Variants in EPRS1 observed in about 807,000 individuals in gnomAD.
EPRS1 encodes bifunctional glutamate/proline--tRNA ligase.
EPRS1 carries 107 observed loss-of-function variants against 188.3 expected under a neutral mutation model. That is an observed-to-expected ratio of 0.57 (90% CI 0.49 to 0.67). EPRS1 has a LOEUF of 0.67. Among genes scored for constraint, EPRS1 ranks in the 30% least tolerant of loss-of-function variants. The pLI, the probability that EPRS1 is intolerant of heterozygous loss-of-function variation, is 0.00. For missense variants in EPRS1, 1,577 were observed against 1,802.2 expected, an observed-to-expected ratio of 0.88 and a Z score of 2.26; for synonymous variants, 596 against 593.1, an observed-to-expected ratio of 1.00 and a Z score of -0.07.
chr1:220,031,007 G>A (rs576242943), intron 5 of EPRS1, among the ~76,000 whole-genome samples: 14 of 151,774 alleles, frequency 9.2e-5, no homozygotes, highest in Non-Finnish European at 1.5e-4. Flanking sequence ...CAGGAGAATC[G>A]CTTGAACCTG....
At chr1:219,977,211 A>C (rs1311090291) in intron 28 of EPRS1, among the ~76,000 whole-genome samples, 1 of 152,180 alleles carries the variant, frequency 6.6e-6, no homozygotes, top group African/African-American at 2.4e-5. Flanking sequence ...TAATACCTTC[A>C]CTAGATAGTG....
intron 18 of EPRS1, among the ~76,000 whole-genome samples, chr1:219,996,642 A>G (rs987837950): frequency 1.3e-5 from 2 of 152,200 alleles, no homozygotes; most frequent in Admixed American, 1.3e-4. Context: ...CTTCTACTTC[A>G]GGATGATTTT....
chr1:219,975,458 T>A (rs1846254), intron 28 of EPRS1, among the ~76,000 whole-genome samples: 1 of 151,558 alleles, frequency 6.6e-6, no homozygotes, highest in Non-Finnish European at 1.5e-5. Flanking sequence ...TTTCTTGAGA[T>A]GGAGTTTCGC....
intron 1 of EPRS1, among the ~76,000 whole-genome samples, chr1:220,045,494 ACC>A: frequency 6.6e-6 from 1 of 151,936 alleles, no homozygotes; most frequent in East Asian, 1.9e-4. Flanking sequence ...ATAGAGCAAG[ACC>A]CTGACTCTCA....
chr1:220,013,790 C>T (rs1458451591), intron 12 of EPRS1, among the ~76,000 whole-genome samples: 1 of 152,132 alleles, frequency 6.6e-6, no homozygotes, highest in Non-Finnish European at 1.5e-5. Flanking sequence ...ATGAAGACAT[C>T]ATGAAGGCCA....
chr1:219,986,571 A>C (rs1661009927), intron 20 of EPRS1, among the ~76,000 whole-genome samples: 2 of 152,186 alleles, frequency 1.3e-5, no homozygotes, highest in African/African-American at 4.8e-5. Flanking sequence ...TTATTTATAC[A>C]GATTGGAAGA....
intron 9 of EPRS1, among the ~76,000 whole-genome samples, chr1:220,020,814 C>A (rs1661858466): frequency 8.4e-6 from 1 of 118,462 alleles, no homozygotes; most frequent in African/African-American, 3.2e-5. Flanking sequence ...CATGCAGTAT[C>A]AATTTGAATT....
intron 30 of EPRS1, among the ~76,000 whole-genome samples, chr1:219,970,018 C>T (rs1344365280): frequency 1.3e-5 from 2 of 152,110 alleles, no homozygotes; most frequent in Non-Finnish European, 1.5e-5. Flanking sequence ...GACGGGGTTT[C>T]GCCATGTTGG....
intron 6 of EPRS1, among the ~76,000 whole-genome samples, chr1:220,027,834 A>C (rs1203095733): frequency 6.6e-6 from 1 of 151,462 alleles, no homozygotes; most frequent in Non-Finnish European, 1.5e-5. Context: ...AATACAAAAA[A>C]TTAATTAATT....
rs575010532 is a variant in EPRS1 at position 220,016,507 on chromosome 1, C to T, written c.1494+1942G>A. ...CTCACTGCGGCCTTGACCTCCTGGG[C>T]TCAAGTGATCCTCCCACCTCAGCCT... On this transcript the variant is annotated intron_variant, in intron 12 of 31. Coordinates refer to ENST00000366923, the MANE Select transcript of EPRS1 (RefSeq NM_004446.3). 2.0e-5 allele frequency among the ~76,000 whole-genome samples: 3 copies of T among 150,196 alleles called. No homozygotes were observed. In the East Asian group the frequency reaches 5.9e-4, roughly 30 times the overall value.
chr1:219,993,646 G>A (rs1169267275), intron 18 of EPRS1, among the ~76,000 whole-genome samples: 1 of 152,144 alleles, frequency 6.6e-6, no homozygotes, highest in African/African-American at 2.4e-5. Flanking sequence ...GTAGAAAACT[G>A]AATAGTTAAG....
At chr1:219,999,025 A>G (rs143405063) in intron 17 of EPRS1, among the ~76,000 whole-genome samples, 36 of 152,214 alleles carry the variant, frequency 2.4e-4, no homozygotes, top group Middle Eastern at 3.4e-3. Flanking sequence ...TTTCATAATT[A>G]AAGAGAAAAC....
chr1:219,987,201 T>G lies in EPRS1; in HGVS notation c.2979A>C (p.Gln993His). 3 of 1,614,138 alleles carry G rather than the reference T, an allele frequency of 1.9e-6. No homozygotes were observed. Among genetic ancestry groups the G allele is most frequent in the Non-Finnish European group, 2.5e-6 (3 of 1,180,014 alleles). Reference sequence around the variant, plus strand: ...CTCCACTTGATGAGAGCCCACCTCCTTGGTTTTTAGAAGGGTCTTTCCTTT... The same window carrying G: ...CTCCACTTGATGAGAGCCCACCTCCGTGGTTTTTAGAAGGGTCTTTCCTTT... ...DGQRKDPSKNQGGGLSSSGAG... is the reference protein window; with the variant it reads ...DGQRKDPSKNHGGGLSSSGAG... The change falls in exon 20 of 32, where the codon CAA becomes CAC. Residue 993 changes from glutamine (Q) to histidine (H), a missense_variant. Coordinates refer to ENST00000366923, the MANE Select transcript of EPRS1 (RefSeq NM_004446.3).
chr1:220,040,925 TAA>T (rs76831282), intron 1 of EPRS1, among the ~76,000 whole-genome samples: 3 of 130,578 alleles, frequency 2.3e-5, no homozygotes, highest in Non-Finnish European at 1.7e-5. Context: ...TTTAAAAAAC[TAA>T]AAAAAAAAAA....
At chr1:220,012,960 G>A (rs1661635537) in intron 12 of EPRS1, among the ~76,000 whole-genome samples, 1 of 152,180 alleles carries the variant, frequency 6.6e-6, no homozygotes, top group African/African-American at 2.4e-5. Context: ...TGTGGAGTGG[G>A]GAGAGAAGTC....
chr1:219,997,486 T>C, intron 17 of EPRS1, 144 bp from the exon 18 acceptor site: 1 of 654,982 alleles, frequency 1.5e-6, no homozygotes, highest in Non-Finnish European at 2.4e-6. Context: ...CTTAAATGAA[T>C]AATCTCCTAA....
intron 16 of EPRS1, 108 bp downstream of exon 16, chr1:220,005,136 GAGAA>G (rs1320954162): frequency 2.3e-6 from 1 of 428,498 alleles, no homozygotes; most frequent in African/African-American, 2.0e-5. Flanking sequence ...CTGAGAGACT[GAGAA>G]AGAAAACTGT....
In EPRS1 at chr1:219,969,079, C is replaced by A. The variant is rs1391381622; in HGVS notation, c.4367G>T (p.Trp1456Leu). The change falls in exon 31 of 32, where the codon TGG becomes TTG. Residue 1456 changes from tryptophan to leucine, a missense_variant. Coordinates refer to ENST00000366923, the MANE Select transcript of EPRS1 (RefSeq NM_004446.3). ...TTACCTGGCAGTGGTCTTTTTGATC[C>A]AGTCCTCACAGTCAATTTCCCCACA... ...PFCGEIDCED[W>L]IKKTTARDQD... 1 of 1,613,088 alleles carries A rather than the reference C, an allele frequency of 6.2e-7. No individual in the cohort carries two copies. The highest frequency in any genetic ancestry group is 1.3e-5 in the African/African-American group (1 of 75,000).
intron 19 of EPRS1, among the ~76,000 whole-genome samples, chr1:219,987,899 G>A (rs1661035965): frequency 6.6e-6 from 1 of 152,182 alleles, no homozygotes; most frequent in East Asian, 1.9e-4. Context: ...TGTGGCTAAT[G>A]ACTACTGTAT....
Sources: gnomAD v4.1 joint callset for allele counts (sites outside exome capture counted in the v4.1 genomes callset) on GRCh38, gnomAD v4.1.1 for gene constraint, MANE v1.5 for transcripts, NCBI Gene and HGNC (gene_info 2026-07-23, HGNC 2026-07-21) for gene names.